Variants in ELMO1 observed in about 807,000 individuals in gnomAD.
The protein encoded by ELMO1 is engulfment and cell motility 1.
ELMO1 carries 26 observed loss-of-function variants against 98.9 expected under a neutral mutation model. The observed-to-expected ratio is 0.26, with a 90% CI of 0.19 to 0.36. ELMO1 has a LOEUF of 0.36. ELMO1 is among the 10% of genes least tolerant of loss of function. The pLI, the probability that ELMO1 is intolerant of heterozygous loss-of-function variation, is 1.00. For missense variants in ELMO1, 627 were observed against 935.2 expected, an observed-to-expected ratio of 0.67 and a Z score of 4.30; for synonymous variants, 346 against 346.0, an observed-to-expected ratio of 1.00 and a Z score of 0.00.
At chr7:37,395,299 G>A (rs758368771) in intron 1 of ELMO1, among the ~76,000 whole-genome samples, 4 of 147,066 alleles carry the variant, frequency 2.7e-5, no homozygotes, top group South Asian at 2.1e-4. Context: ...CCCGGGAGGC[G>A]GAGGTTGCAA....
chr7:37,317,837 T>C (rs1051136906), intron 2 of ELMO1, among the ~76,000 whole-genome samples: 1 of 152,246 alleles, frequency 6.6e-6, no homozygotes, highest in Non-Finnish European at 1.5e-5. Flanking sequence ...CTGGATTGTT[T>C]GTAACACAAA....
At chr7:37,329,981 C>T (rs1481999521) in intron 2 of ELMO1, among the ~76,000 whole-genome samples, 1 of 152,184 alleles carries the variant, frequency 6.6e-6, no homozygotes, top group Non-Finnish European at 1.5e-5. Context: ...CCAATTGGCA[C>T]CTTCTAAAAG....
At chr7:37,083,984 A>G (rs1223961113) in intron 15 of ELMO1, among the ~76,000 whole-genome samples, 1 of 152,228 alleles carries the variant, frequency 6.6e-6, no homozygotes, top group East Asian at 1.9e-4. Context: ...GTAGAAAAAA[A>G]GCAGCAAGCT....
intron 1 of ELMO1, among the ~76,000 whole-genome samples, chr7:37,405,652 G>A (rs1311293604): frequency 6.6e-6 from 1 of 152,132 alleles, no homozygotes; most frequent in Non-Finnish European, 1.5e-5. Flanking sequence ...CAAGGCGTCG[G>A]GCTTGTTAAT....
chr7:37,375,586 T>C, intron 1 of ELMO1: 1 of 1,116,094 alleles, frequency 9.0e-7, no homozygotes, highest in Non-Finnish European at 1.4e-6. Context: ...GGAGTCATGG[T>C]GGCCAAGAAG....
In ELMO1 at chr7:36,870,167, G is replaced by A. The variant is rs1188114898; in HGVS notation, c.1905+226C>T. ...TTAGGGTTGGAAGTAGGCAGGAAGT[G>A]AGAGAATGGAAAAGATGGTGAGCAT... On this transcript the variant is annotated intron_variant, in intron 20 of 21. Coordinates refer to ENST00000310758, the MANE Select transcript of ELMO1 (RefSeq NM_014800.11). The surrounding 1 kb of genome is among the most constrained non-coding windows in gnomAD (Gnocchi z 4.4). 6.6e-6 allele frequency among the ~76,000 whole-genome samples: 1 copy of A among 152,114 alleles called. No homozygotes were observed. The highest frequency in any genetic ancestry group is 2.1e-4 in the South Asian group (1 of 4,818).
At chr7:37,443,717 A>G (rs1193297425) in intron 1 of ELMO1, among the ~76,000 whole-genome samples, 1 of 152,226 alleles carries the variant, frequency 6.6e-6, no homozygotes, top group East Asian at 1.9e-4. Context: ...CAAACAACCC[A>G]AATTATCCAG....
At chr7:37,347,031 A>C (rs558934889) in intron 1 of ELMO1, among the ~76,000 whole-genome samples, 1 of 152,322 alleles carries the variant, frequency 6.6e-6, no homozygotes, top group East Asian at 1.9e-4. Context: ...AACCAAGCCC[A>C]ATTAGACCTC....
At chr7:37,253,722 A>AG (rs1211656493) in intron 6 of ELMO1, among the ~76,000 whole-genome samples, 1 of 147,032 alleles carries the variant, frequency 6.8e-6, no homozygotes, top group Non-Finnish European at 1.5e-5. Flanking sequence ...ACTTAAAGTA[A>AG]AAAAAAAAAA....
At chr7:37,168,368 A>G (rs148793714) in intron 13 of ELMO1, among the ~76,000 whole-genome samples, 5,857 of 152,134 alleles carry the variant, frequency 0.038, 393 homozygotes, top group African/African-American at 0.13. Flanking sequence ...GCTTTGTTCC[A>G]TTGCTGGTGA....
intron 1 of ELMO1, among the ~76,000 whole-genome samples, chr7:37,377,761 A>T (rs973962775): frequency 6.6e-6 from 1 of 152,130 alleles, no homozygotes; most frequent in African/African-American, 2.4e-5. Flanking sequence ...CCCTCCTCCA[A>T]GGCTGTTTGC....
intron 4 of ELMO1, among the ~76,000 whole-genome samples, chr7:37,305,445 AGT>A (rs147003634): frequency 1.6e-5 from 2 of 122,898 alleles, no homozygotes; most frequent in Non-Finnish European, 3.9e-5. Context: ...CAGTACAGAT[AGT>A]GTGTGTGTGT....
At position 37,356,896 on chromosome 7, in the gene ELMO1, C is replaced by G. The variant is rs138668096; in HGVS notation, c.-73-14133G>C. Among the ~76,000 whole-genome samples the G allele has an allele frequency of 3.3e-5, 5 of 152,222 alleles. No homozygotes were observed. In the East Asian group the frequency reaches 9.6e-4, roughly 29 times the overall value. On this transcript the variant is annotated intron_variant, in intron 1 of 21. Coordinates refer to ENST00000310758, the MANE Select transcript of ELMO1 (RefSeq NM_014800.11). Reference sequence around the variant, plus strand: ...ACAAAGTGGGTCATAGAAACTAGAACCTATCTCCACCAAAGTAAACCATGA... The same window carrying G: ...ACAAAGTGGGTCATAGAAACTAGAAGCTATCTCCACCAAAGTAAACCATGA...
chr7:36,878,174 G>A, intron 18 of ELMO1, 57 bp from the exon 19 acceptor site: 2 of 1,319,212 alleles, frequency 1.5e-6, no homozygotes, highest in Non-Finnish European at 2.2e-6. Context: ...CAAAATACTA[G>A]CCTGGTTATT....
chr7:37,114,290 T>A (rs1263865844), intron 14 of ELMO1, among the ~76,000 whole-genome samples: 1 of 152,166 alleles, frequency 6.6e-6, no homozygotes, highest in Non-Finnish European at 1.5e-5. Flanking sequence ...TTACAGGAGA[T>A]ACAGGAGAGA....
intron 13 of ELMO1, among the ~76,000 whole-genome samples, chr7:37,179,795 T>C (rs1033358447): frequency 1.3e-5 from 2 of 152,142 alleles, no homozygotes; most frequent in Non-Finnish European, 2.9e-5. Flanking sequence ...CATATCAAAA[T>C]TGAGATTGTC....
rs979788627 is a variant in ELMO1, at chr7:36,870,304, G to A, written c.1905+89C>T. On this transcript the variant is annotated intron_variant, in intron 20 of 21. Coordinates refer to ENST00000310758, the MANE Select transcript of ELMO1 (RefSeq NM_014800.11). This position sits in a 1 kb window ranked among gnomAD's most constrained non-coding sequence, Gnocchi z 4.4. ...TGTGTCTGAACACACGCACACACAC[G>A]AACACTGCTATAAAGGAGGGCTAGG... is the stretch of plus-strand genomic sequence containing the variant. 5 of 1,139,918 alleles carry A rather than the reference G, an allele frequency of 4.4e-6. No homozygotes were observed. In the South Asian group the frequency reaches 5.2e-5, roughly 12 times the overall value. 70.6% of individuals were successfully genotyped at this position (1,139,918 alleles called of 1,614,324 possible).
chr7:37,408,181 T>C (rs1803852415), intron 1 of ELMO1, among the ~76,000 whole-genome samples: 2 of 152,324 alleles, frequency 1.3e-5, no homozygotes, highest in South Asian at 4.1e-4. Flanking sequence ...AATAAAATAA[T>C]GCTTGTGAAA....
At chr7:36,882,848 C>T (rs1804596082) in intron 18 of ELMO1, among the ~76,000 whole-genome samples, 1 of 152,200 alleles carries the variant, frequency 6.6e-6, no homozygotes, top group Non-Finnish European at 1.5e-5. Flanking sequence ...ACACTACTGT[C>T]CCTCCATCTT....
Sources: allele counts gnomAD v4.1 joint callset (sites outside exome capture counted in the v4.1 genomes callset), GRCh38; gene constraint gnomAD v4.1.1; non-coding constraint Gnocchi (gnomAD v3.1); transcripts MANE v1.5; gene names NCBI Gene and HGNC (gene_info 2026-07-23, HGNC 2026-07-21).